The following PTPRD variants were observed in gnomAD, a reference collection of about 807,000 sequenced individuals.
PTPRD encodes protein tyrosine phosphatase receptor type D.
Under a neutral mutation model 214.5 loss-of-function variants are expected in PTPRD, and 34 were observed. The observed-to-expected ratio is 0.16, with a 90% confidence interval of 0.12 to 0.21. The LOEUF (loss-of-function observed/expected upper bound fraction) is 0.21. PTPRD is among the 10% of genes least tolerant of loss of function. The pLI is 1.00. For missense variants in PTPRD, 2,545 were observed against 2,398.7 expected (o/e 1.06, Z -1.27); for synonymous variants, 1,128 against 845.7 (o/e 1.33, Z -5.79).
At chr9:9,863,724 T>C (rs534195029) in intron 5 of PTPRD, among the ~76,000 whole-genome samples, 5 of 151,826 alleles carry the variant, frequency 3.3e-5, no homozygotes, top group Non-Finnish European at 7.4e-5. Context: ...AAAAGAGACA[T>C]AAGACAGAAT....
intron 11 of PTPRD, among the ~76,000 whole-genome samples, chr9:8,863,426 A>G (rs541421114): frequency 9.2e-5 from 14 of 152,210 alleles, no homozygotes; most frequent in Admixed American, 3.9e-4. Context: ...CAAAGGATAT[A>G]CTCTAATTAC....
chr9:9,558,957 G>A (rs765612342), intron 8 of PTPRD, among the ~76,000 whole-genome samples: 22 of 152,250 alleles, frequency 1.4e-4, no homozygotes, highest in Non-Finnish European at 2.8e-4. Flanking sequence ...TGCTACTAAG[G>A]GACTTGTACT....
intron 4 of PTPRD, among the ~76,000 whole-genome samples, chr9:9,993,295 T>C (rs2096011710): frequency 6.6e-6 from 1 of 152,218 alleles, no homozygotes; most frequent in Non-Finnish European, 1.5e-5. Context: ...GGTACATATA[T>C]TATCCTCTCC....
At chr9:8,841,100 G>A (rs990557187) in intron 11 of PTPRD, among the ~76,000 whole-genome samples, 2 of 152,138 alleles carry the variant, frequency 1.3e-5, no homozygotes, top group African/African-American at 2.4e-5. Flanking sequence ...AAAATGTGTG[G>A]CTGTTTCATT....
At chr9:9,561,631 G>A (rs1269513078) in intron 8 of PTPRD, among the ~76,000 whole-genome samples, 3 of 152,094 alleles carry the variant, frequency 2.0e-5, no homozygotes, top group South Asian at 2.1e-4. Flanking sequence ...AGGGAAAAAG[G>A]CATTTAGGTT....
chr9:10,346,426 G>A (rs909144693), intron 2 of PTPRD, among the ~76,000 whole-genome samples: 2 of 151,808 alleles, frequency 1.3e-5, no homozygotes, highest in African/African-American at 2.4e-5. Context: ...AGTATGAGGA[G>A]GACAAAATAA....
intron 9 of PTPRD, among the ~76,000 whole-genome samples, chr9:9,289,322 G>C (rs1950447556): frequency 6.6e-6 from 1 of 151,756 alleles, no homozygotes; most frequent in African/African-American, 2.4e-5. Context: ...TATGTGTTAA[G>C]CACCAAAACT....
intron 3 of PTPRD, among the ~76,000 whole-genome samples, chr9:10,276,540 T>C (rs1300328239): frequency 6.6e-6 from 1 of 152,232 alleles, no homozygotes; most frequent in East Asian, 1.9e-4. Flanking sequence ...ACAAATTCAT[T>C]GCATTAGCCT....
At chr9:10,119,390 G>A (rs950696263) in intron 3 of PTPRD, among the ~76,000 whole-genome samples, 1 of 151,960 alleles carries the variant, frequency 6.6e-6, no homozygotes, top group Non-Finnish European at 1.5e-5. Context: ...CATCTGTTGA[G>A]AATCTTTTAA....
chr9:9,717,960 C>A (rs1460833068), intron 7 of PTPRD, among the ~76,000 whole-genome samples: 3 of 152,094 alleles, frequency 2.0e-5, no homozygotes, highest in Admixed American at 2.0e-4. Flanking sequence ...CTTTGTAAAT[C>A]TAAGTATAAA....
At chr9:9,882,263 G>A (rs548277910) in intron 5 of PTPRD, among the ~76,000 whole-genome samples, 103 of 152,044 alleles carry the variant, frequency 6.8e-4, no homozygotes, top group Middle Eastern at 3.4e-3. Flanking sequence ...CAGAAGGATC[G>A]AAATTAGAAT....
At chr9:9,124,030 A>G (rs1474898127) in intron 10 of PTPRD, among the ~76,000 whole-genome samples, 1 of 152,126 alleles carries the variant, frequency 6.6e-6, no homozygotes, top group Non-Finnish European at 1.5e-5. Flanking sequence ...GAGGTTAAGT[A>G]GTTTTGGTAA....
At chr9:10,024,096 T>C (rs2096875454) in intron 4 of PTPRD, among the ~76,000 whole-genome samples, 1 of 152,164 alleles carries the variant, frequency 6.6e-6, no homozygotes, top group Admixed American at 6.5e-5. Flanking sequence ...CATGTGAAAG[T>C]AATATTTGCT....
chr9:10,401,075 T>G (rs1309677371), intron 2 of PTPRD, among the ~76,000 whole-genome samples: 1 of 151,720 alleles, frequency 6.6e-6, no homozygotes. Flanking sequence ...AAATATAAAA[T>G]GCTTTGCTTG....
At chr9:8,337,960 G>T (rs777794147) in intron 43 of PTPRD, among the ~76,000 whole-genome samples, 2 of 151,762 alleles carry the variant, frequency 1.3e-5, no homozygotes, top group East Asian at 3.9e-4. Context: ...CTTCAGAATA[G>T]TTAATATAAC....
chr9:9,221,677 C>T (rs1470861346), intron 9 of PTPRD, among the ~76,000 whole-genome samples: 1 of 151,952 alleles, frequency 6.6e-6, no homozygotes, highest in Non-Finnish European at 1.5e-5. Flanking sequence ...TGAACTATCT[C>T]CTCAAAGGCC....
chr9:10,515,471 G>C (rs889422438), intron 2 of PTPRD, among the ~76,000 whole-genome samples: 2 of 151,900 alleles, frequency 1.3e-5, no homozygotes, highest in Non-Finnish European at 2.9e-5. Context: ...TACAACATAG[G>C]AGCTATGATC....
In PTPRD at chr9:10,485,120, T is replaced by C. The variant is rs978111558; in HGVS notation, c.-600+127278A>G. On this transcript the variant is annotated intron_variant, in intron 2 of 45. Transcript: ENST00000381196. ...TTTCCAGCACTATTTATTCACCAGA[T>C]TGTCTTTTCTCCAGTGTATTTTTGG... is the stretch of plus-strand genomic sequence containing the variant. 3.9e-5 allele frequency among the ~76,000 whole-genome samples: 6 copies of C among 152,032 alleles called. 1 individual carries two copies. Among genetic ancestry groups the C allele is most frequent in the African/African-American group, 1.4e-4 (6 of 41,448 alleles).
chr9:8,462,576 T>G (rs2096443226), intron 32 of PTPRD, among the ~76,000 whole-genome samples: 2 of 152,122 alleles, frequency 1.3e-5, no homozygotes, highest in Admixed American at 1.3e-4. Context: ...ACAGTGGGCT[T>G]CTTGCTACTA....
Sources: gnomAD v4.1 joint callset for allele counts (sites outside exome capture counted in the v4.1 genomes callset) on GRCh38, gnomAD v4.1.1 for gene constraint, MANE v1.5 for transcripts, NCBI Gene and HGNC (gene_info 2026-07-23, HGNC 2026-07-21) for gene names.